The following CHEK1 variants were observed in gnomAD, a reference collection of about 807,000 sequenced individuals.
CHEK1 encodes the protein checkpoint kinase 1.
A neutral mutation model predicts 60.2 loss-of-function variants in CHEK1; 32 were observed. The observed-to-expected ratio is 0.53, with a 90% CI of 0.40 to 0.71. CHEK1 has a LOEUF of 0.71. CHEK1 is among the 30% of genes least tolerant of loss of function. CHEK1 has a pLI of 0.00. For synonymous variants in CHEK1, 179 were observed against 187.2 expected, an observed-to-expected ratio of 0.96 and a Z score of 0.36; for missense variants, 399 against 564.6, an observed-to-expected ratio of 0.71 and a Z score of 2.97.
chr11:125,644,299 G>A (rs771089297), intron 10 of CHEK1, 31 bp downstream of exon 10: 1 of 1,576,228 alleles, frequency 6.3e-7, no homozygotes, highest in Non-Finnish European at 8.6e-7. Context: ...AAAAGTAATG[G>A]CAGCTCTTTA....
downstream of CHEK1, chr11:125,678,211 C>T: frequency 6.2e-7 from 1 of 1,614,130 alleles, no homozygotes; most frequent in Non-Finnish European, 8.5e-7. Flanking sequence ...GAAGGGTTTT[C>T]AAGTGAAAAG....
At position 125,637,534 on chromosome 11, in the gene CHEK1, C is replaced by G; in HGVS notation, c.804C>G (p.Pro268=). 4 of 1,606,070 alleles carry G rather than the reference C, an allele frequency of 2.5e-6. No individual in the cohort carries two copies. Among genetic ancestry groups the G allele is most frequent in the Non-Finnish European group, 3.4e-6 (4 of 1,175,754 alleles). Residue 268 remains proline, a synonymous_variant, in exon 8 of 13, where the codon CCC becomes CCG. Transcript: ENST00000438015. ...DIKKDRWYNK[P]LKKGAKRPRV... ...AAAAAGATAGATGGTACAACAAACC[C>G]CTCAAGAAAGGTAATATCCTTAAAC...
At chr11:125,680,875 A>G, downstream of CHEK1, 1 of 1,027,680 alleles carries the variant, frequency 9.7e-7, no homozygotes, top group Non-Finnish European at 1.5e-6. Context: ...GTGCTGAAGC[A>G]GAGCTTCTGG....
chr11:125,678,408 C>A, downstream of CHEK1: 1 of 1,323,866 alleles, frequency 7.6e-7, no homozygotes, highest in Non-Finnish European at 1.0e-6. Flanking sequence ...TTCCTATGGG[C>A]CTAGATTGGG....
intron 13 of CHEK1, chr11:125,671,694 C>T (rs1942208883): frequency 6.6e-6 from 1 of 152,114 alleles, no homozygotes. Context: ...CTCTCTGTAG[C>T]TCTGTAACCT....
intron 8 of CHEK1, chr11:125,643,046 A>C (rs1216261400): frequency 6.6e-6 from 1 of 152,206 alleles, no homozygotes. Context: ...CAAGGAATCA[A>C]AGAATGTTGG....
At chr11:125,680,831 G>C, downstream of CHEK1, 1 of 1,499,110 alleles carries the variant, frequency 6.7e-7, no homozygotes, top group Non-Finnish European at 9.2e-7. Flanking sequence ...CTTCTTCACA[G>C]AGCTATGAAG....
chr11:125,658,591 T>C (rs374812799), downstream of CHEK1, among the ~76,000 whole-genome samples: 2 of 152,122 alleles, frequency 1.3e-5, no homozygotes, highest in African/African-American at 4.8e-5. Context: ...TATTGTTTTA[T>C]ATTTTGTATT....
At chr11:125,655,097 G>A (rs1170251534) in intron 12 of CHEK1, 128 bp from the exon 13 acceptor site, 1 of 654,558 alleles carries the variant, frequency 1.5e-6, no homozygotes, top group Non-Finnish European at 2.6e-6. Flanking sequence ...AGACCGAAAA[G>A]AAAATGGTAG....
downstream of CHEK1, chr11:125,676,606 G>C: frequency 8.4e-7 from 1 of 1,188,406 alleles, no homozygotes. Flanking sequence ...AGTTCTTTTT[G>C]GGGATCTGGG....
At chr11:125,663,133 GA>G (rs151228366) in intron 13 of CHEK1, among the ~76,000 whole-genome samples, 13,625 of 142,108 alleles carry the variant, frequency 0.096, 679 homozygotes, top group East Asian at 0.15. Flanking sequence ...TGTCATTTGT[GA>G]AAAAAAAAAA....
intron 13 of CHEK1, among the ~76,000 whole-genome samples, chr11:125,673,049 C>T (rs1216974349): frequency 2.0e-5 from 3 of 152,038 alleles, no homozygotes; most frequent in Non-Finnish European, 4.4e-5. Context: ...TGCCTATCCT[C>T]CTCACCTTGG....
chr11:125,633,146 T>C lies in CHEK1; in HGVS notation c.425-17T>C. The C allele has an allele frequency of 1.3e-6, 2 of 1,551,816 alleles. No homozygotes were observed. The highest frequency in any genetic ancestry group is 4.8e-5 in the East Asian group (2 of 41,952). On this transcript the variant is annotated splice_polypyrimidine_tract_variant and intron_variant, in intron 5 of 12. Transcript: ENST00000438015. The stretch of plus-strand genomic sequence containing the variant: ...AAACATTTTTATTCAGTGTCATCTT[T>C]TTTTCTTTTGGTTTAGATAACCTCA...
Position 125,667,596 on chromosome 11 carries a change from C to T in CHEK1, c.*28-8332C>T, listed in dbSNP as rs944707867. Among the ~76,000 whole-genome samples, 13 of 152,110 alleles carry T rather than the reference C, an allele frequency of 8.5e-5. 1 individual carries two copies. Among genetic ancestry groups the T allele is most frequent in the African/African-American group, 3.1e-4 (13 of 41,430 alleles). ...TCTCTTTCATTTCTTTTTCTTGCCT[C>T]ATTGCTCTGGCTAGGACTTCCAGTA... On this transcript the variant is annotated intron_variant, in intron 13 of 13. Transcript: ENST00000428830.
chr11:125,657,995 A>C (rs1464140587), downstream of CHEK1, among the ~76,000 whole-genome samples: 1 of 152,224 alleles, frequency 6.6e-6, no homozygotes, highest in Non-Finnish European at 1.5e-5. Context: ...ATAGCAACAG[A>C]ATGTATTTCT....
In CHEK1 at chr11:125,657,041, G is replaced by A. The variant is rs568382140; in HGVS notation, c.*1721G>A. On this transcript the variant is annotated 3_prime_UTR_variant, in exon 13 of 13. Transcript: ENST00000438015. ...CCTGTTTTGCACAGAAAGGCATTCTGTAAATAATAAGTTGCCTTAATTTTC... is the reference window on the plus strand; with the variant it reads ...CCTGTTTTGCACAGAAAGGCATTCTATAAATAATAAGTTGCCTTAATTTTC... The A allele has an allele frequency of 1.6e-5, 3 of 187,252 alleles. No individual in the cohort carries two copies. Among genetic ancestry groups the A allele is most frequent in the South Asian group, 2.0e-4 (1 of 5,120 alleles). The allele number at this position is 187,252 out of a possible 1,614,324, so 11.6% of individuals were successfully genotyped here.
intron 8 of CHEK1, 144 bp downstream of exon 8, chr11:125,637,688 A>G: frequency 2.1e-6 from 1 of 476,794 alleles, no homozygotes. Flanking sequence ...AAAATACAGA[A>G]ATAATTTTGT....
chr11:125,626,626 T>G, intron 1 of CHEK1, 123 bp from the exon 2 acceptor site: 61 of 757,582 alleles, frequency 8.1e-5, no homozygotes, highest in Non-Finnish European at 1.0e-4. Flanking sequence ...TAAATGTGGA[T>G]GAGATAGAAG....
rs3731439 is a variant in CHEK1 at position 125,641,562 on chromosome 11, A to G, written c.815-2230A>G. Among the ~76,000 whole-genome samples the G allele has an allele frequency of 1.1e-3, 166 of 152,346 alleles. 1 individual carries two copies. The highest frequency in any genetic ancestry group is 2.0e-3 in the Non-Finnish European group (134 of 68,034). Reference sequence around the variant, plus strand: ...AAATTTCACTTGAATGTTAAGAGGCATCTCACACTTGATGAATTCCAAACT... The same window carrying G: ...AAATTTCACTTGAATGTTAAGAGGCGTCTCACACTTGATGAATTCCAAACT... On this transcript the variant is annotated intron_variant, in intron 8 of 12. Transcript: ENST00000438015.
Sources: allele counts gnomAD v4.1 joint callset (sites outside exome capture counted in the v4.1 genomes callset), GRCh38; gene constraint gnomAD v4.1.1; transcripts MANE v1.5; gene names NCBI Gene and HGNC (gene_info 2026-07-23, HGNC 2026-07-21).